Variants in CACNA1D observed in about 807,000 individuals in gnomAD.
The protein encoded by CACNA1D is voltage-dependent L-type calcium channel subunit alpha-1D.
CACNA1D carries 55 observed loss-of-function variants against 257.1 expected under a neutral mutation model. That is an observed-to-expected ratio of 0.21 (90% CI 0.17 to 0.27). The LOEUF is 0.27. CACNA1D is among the 10% of genes least tolerant of loss of function. The probability of loss-of-function intolerance (pLI) is 1.00; values close to 1 mark genes in which losing one functional copy is unlikely to be tolerated. For missense variants in CACNA1D, 1,876 were observed against 2,784.0 expected (o/e 0.67, Z 7.34); for synonymous variants, 980 against 1,014.9 (o/e 0.97, Z 0.65).
rs573120981 is a variant in CACNA1D, at chr3:53,760,912, C to A, written c.3787-1086C>A. 5.3e-4 allele frequency among the ~76,000 whole-genome samples: 80 copies of A among 152,298 alleles called. 1 individual carries two copies. The South Asian group carries it at 0.016, about 31-fold the overall frequency. ...GGAAGTTGGGGGACTGAATATGCAG[C>A]ACAGTCATCATCCTTCAGGGCTTTT... On this transcript the variant is annotated intron_variant, in intron 29 of 47. Transcript: ENST00000350061.
chr3:53,656,516 G>C (rs1249575483), intron 4 of CACNA1D, among the ~76,000 whole-genome samples: 11 of 152,160 alleles, frequency 7.2e-5, no homozygotes, highest in Admixed American at 5.9e-4. Context: ...TATGACCTCA[G>C]TGTAGCCAGA....
chr3:53,732,423 G>A (rs1239253255), intron 18 of CACNA1D, among the ~76,000 whole-genome samples: 1 of 152,210 alleles, frequency 6.6e-6, no homozygotes, highest in Non-Finnish European at 1.5e-5. Context: ...CTGTGGAGTT[G>A]GGAGCCTAGG....
chr3:53,747,404 T>C lies in CACNA1D; in HGVS notation c.3270T>C (p.Ala1090=). ...SDFNFDNVLS[A]MMALFTVSTF... is the part of the protein sequence containing the mutation. ...TCAACTTCGACAACGTCCTCTCTGC[T>C]ATGATGGCGCTCTTCACAGTCTCCA... The change falls in exon 26 of 48, where the codon GCT becomes GCC. Residue 1090 remains alanine, a synonymous_variant. Transcript: ENST00000350061. 1 of 1,614,230 alleles carries C rather than the reference T, an allele frequency of 6.2e-7. No individual in the cohort carries two copies. Among genetic ancestry groups the C allele is most frequent in the Non-Finnish European group, 8.5e-7 (1 of 1,180,018 alleles).
rs185796699 is a variant in CACNA1D at position 53,623,188 on chromosome 3, G to A, written c.484-27591G>A. Among the ~76,000 whole-genome samples the A allele has an allele frequency of 1.1e-3, 164 of 152,298 alleles. 1 individual carries two copies. Among genetic ancestry groups the A allele is most frequent in the Middle Eastern group, 3.4e-3 (1 of 294 alleles). ...CAGGCGTGAGCCACCGCGCCCGGCC[G>A]AAAGAAGCCTTAAAAGAGAAAGCGC... On this transcript the variant is annotated intron_variant, in intron 3 of 47. Coordinates refer to ENST00000350061, the MANE Select transcript of CACNA1D (RefSeq NM_001128840.3).
Position 53,753,623 on chromosome 3 carries a change from G to A in CACNA1D, c.3727G>A (p.Val1243Ile). ...FNDAMDILNM[V>I]FTGVFTVEMV... is the part of the protein sequence containing the mutation. The stretch of plus-strand genomic sequence containing the variant: ...TGATGCCATGGACATTCTGAACATG[G>A]TCTTCACCGGGGTGTTCACCGTCGA... The change falls in exon 29 of 48, where the codon GTC becomes ATC. Residue 1243 changes from valine to isoleucine, a missense_variant. Physicochemically the swap from Val to Ile is conservative, Grantham distance 29. This residue lies in a region of CACNA1D where 204 missense variants were observed against 309.4 expected (regional missense o/e 0.66). Transcript: ENST00000350061. 1 of 1,613,924 alleles carries A rather than the reference G, an allele frequency of 6.2e-7. No homozygotes were observed. Among genetic ancestry groups the A allele is most frequent in the Non-Finnish European group, 8.5e-7 (1 of 1,179,764 alleles).
intron 1 of CACNA1D, among the ~76,000 whole-genome samples, chr3:53,496,123 T>C (rs1038058589): frequency 3.3e-5 from 5 of 152,242 alleles, no homozygotes; most frequent in African/African-American, 1.2e-4. Context: ...TTGCTTTGAC[T>C]CTTTACTTAG....
chr3:53,698,862 A>G (rs571762076), intron 8 of CACNA1D, among the ~76,000 whole-genome samples: 14 of 150,176 alleles, frequency 9.3e-5, no homozygotes, highest in Middle Eastern at 3.5e-3. Flanking sequence ...CAGACACACC[A>G]TAACCAAAAT....
chr3:53,533,620 A>G (rs974773119), intron 3 of CACNA1D, among the ~76,000 whole-genome samples: 1 of 152,138 alleles, frequency 6.6e-6, no homozygotes, highest in Admixed American at 6.5e-5. Flanking sequence ...GGACCGCAGC[A>G]CTCACTCTTC....
chr3:53,601,568 T>G (rs9810888), intron 3 of CACNA1D, among the ~76,000 whole-genome samples: 77,592 of 152,116 alleles, frequency 0.51, 20,019 homozygotes, highest in African/African-American at 0.56. Context: ...CCATCCTGGA[T>G]AATACCATTC....
At chr3:53,797,930 T>A (rs956545665) in intron 40 of CACNA1D, 2 of 152,208 alleles carry the variant, frequency 1.3e-5, no homozygotes, top group African/African-American at 4.8e-5. Context: ...TTATAACCTA[T>A]GTTTATTTTG....
At chr3:53,677,387 C>G (rs187704633) in intron 8 of CACNA1D, among the ~76,000 whole-genome samples, 7 of 152,238 alleles carry the variant, frequency 4.6e-5, no homozygotes, top group African/African-American at 1.7e-4. Context: ...AGGATATCAG[C>G]GACATCCTGT....
intron 6 of CACNA1D, among the ~76,000 whole-genome samples, 158 bp from the exon 7 acceptor site, chr3:53,666,181 G>A (rs1336230307): frequency 6.6e-6 from 1 of 152,162 alleles, no homozygotes; most frequent in African/African-American, 2.4e-5. Context: ...TAAGGAGGGA[G>A]CATTTGAAGG....
At chr3:53,536,983 A>G (rs2092132859) in intron 3 of CACNA1D, among the ~76,000 whole-genome samples, 1 of 152,178 alleles carries the variant, frequency 6.6e-6, no homozygotes, top group Admixed American at 6.5e-5. Flanking sequence ...TTTATTTTTT[A>G]CTAATAAAGA....
intron 2 of CACNA1D, among the ~76,000 whole-genome samples, chr3:53,500,492 A>G (rs1422872056): frequency 2.0e-5 from 3 of 151,600 alleles, no homozygotes; most frequent in Non-Finnish European, 4.4e-5. Flanking sequence ...TTCCTGTGGC[A>G]TTTTTGGATT....
At chr3:53,797,480 C>T (rs886087182) in intron 40 of CACNA1D, among the ~76,000 whole-genome samples, 2 of 152,168 alleles carry the variant, frequency 1.3e-5, no homozygotes, top group African/African-American at 4.8e-5. Context: ...AGCGATTCTT[C>T]TCTCCTCCTC....
intron 3 of CACNA1D, among the ~76,000 whole-genome samples, chr3:53,541,866 TCATTTAA>T (rs2092306481): frequency 6.6e-6 from 1 of 152,140 alleles, no homozygotes; most frequent in Admixed American, 6.6e-5. Flanking sequence ...CTCCAGGACA[TCATTTAA>T]GTCAAGGCAG....
intron 8 of CACNA1D, among the ~76,000 whole-genome samples, chr3:53,684,383 AG>A (rs746453489): frequency 7.2e-5 from 11 of 152,180 alleles, no homozygotes; most frequent in Non-Finnish European, 1.6e-4. Flanking sequence ...GCACTTTGGG[AG>A]GCTGAGGCAG....
chr3:53,686,500 G>A (rs1271856251), intron 8 of CACNA1D, among the ~76,000 whole-genome samples: 1 of 151,926 alleles, frequency 6.6e-6, no homozygotes, highest in South Asian at 2.1e-4. Flanking sequence ...GGCCAAGTGG[G>A]ATTTATGCCA....
intron 3 of CACNA1D, among the ~76,000 whole-genome samples, chr3:53,600,184 C>A (rs1481655252): frequency 5.3e-5 from 8 of 152,196 alleles, no homozygotes; most frequent in Non-Finnish European, 1.2e-4. Context: ...TTTCATTTGG[C>A]CAGCATGTAT....
Sources: allele counts gnomAD v4.1 joint callset (sites outside exome capture counted in the v4.1 genomes callset), GRCh38; gene constraint gnomAD v4.1.1; regional missense constraint gnomAD v4.1.1; transcripts MANE v1.5; gene names NCBI Gene and HGNC (gene_info 2026-07-23, HGNC 2026-07-21).